TANGO6: variants seen among roughly 807,000 people sequenced by gnomAD.
TANGO6 encodes transport and Golgi organization protein 6 homolog.
Under a neutral mutation model 114.2 loss-of-function variants are expected in TANGO6, and 90 were observed. The observed-to-expected ratio is 0.79, with a 90% CI of 0.66 to 0.94. The LOEUF (loss-of-function observed/expected upper bound fraction) is 0.94. Among genes scored for constraint, TANGO6 ranks in the 40% least tolerant of loss-of-function variants. The probability of loss-of-function intolerance (pLI) is 0.00; values close to 1 mark genes in which losing one functional copy is unlikely to be tolerated. For synonymous variants in TANGO6, 477 were observed against 509.8 expected (o/e 0.94, Z 0.87); for missense variants, 1,274 against 1,315.3 (o/e 0.97, Z 0.49).
At chr16:68,851,624 A>C (rs528312026) in intron 1 of TANGO6, among the ~76,000 whole-genome samples, 1 of 152,324 alleles carries the variant, frequency 6.6e-6, no homozygotes, top group African/African-American at 2.4e-5. Flanking sequence ...ACTGCAATGA[A>C]TAGTCTTGTA....
chr16:69,036,339 C>A (rs1959686781), intron 16 of TANGO6, among the ~76,000 whole-genome samples: 1 of 152,148 alleles, frequency 6.6e-6, no homozygotes, highest in South Asian at 2.1e-4. Flanking sequence ...TTGACCTGAA[C>A]TGAAGACTGT....
chr16:68,868,327 T>G (rs1748347976), intron 4 of TANGO6, among the ~76,000 whole-genome samples: 1 of 151,940 alleles, frequency 6.6e-6, no homozygotes, highest in African/African-American at 2.4e-5. Flanking sequence ...TTTTTATTTT[T>G]TAGAGAAAAT....
intron 17 of TANGO6, among the ~76,000 whole-genome samples, chr16:69,074,802 G>GTGTA (rs1165811612): frequency 1.0e-5 from 1 of 98,802 alleles, no homozygotes; most frequent in East Asian, 2.4e-4. Flanking sequence ...GAATGCCTGT[G>GTGTA]TGTGTGTGTG....
intron 6 of TANGO6, among the ~76,000 whole-genome samples, chr16:68,879,068 C>A (rs1404989399): frequency 6.6e-6 from 1 of 151,658 alleles, no homozygotes; most frequent in Non-Finnish European, 1.5e-5. Context: ...AGAGTGCAAC[C>A]CTTGCTCAAA....
intron 15 of TANGO6, among the ~76,000 whole-genome samples, chr16:68,990,901 T>G (rs778562766): frequency 6.6e-6 from 1 of 152,220 alleles, no homozygotes; most frequent in Non-Finnish European, 1.5e-5. Context: ...ATTACTTCGG[T>G]CACTCTGTGA....
At chr16:69,074,044 C>T (rs1047172253) in intron 17 of TANGO6, among the ~76,000 whole-genome samples, 1 of 151,994 alleles carries the variant, frequency 6.6e-6, no homozygotes, top group Non-Finnish European at 1.5e-5. Flanking sequence ...CAGAAGCTCC[C>T]TGAGAAAGCC....
chr16:68,910,463 A>G (rs898523749), intron 11 of TANGO6, among the ~76,000 whole-genome samples: 1 of 152,178 alleles, frequency 6.6e-6, no homozygotes, highest in Non-Finnish European at 1.5e-5. Flanking sequence ...GGAAGGGGAA[A>G]TGGTCTAAAA....
chr16:68,903,615 C>CAAAAAAAA (rs1175415785), intron 9 of TANGO6, among the ~76,000 whole-genome samples: 1 of 59,252 alleles, frequency 1.7e-5, no homozygotes, highest in Non-Finnish European at 3.3e-5. Flanking sequence ...GAGACCATCT[C>CAAAAAAAA]AAAAAAAAAA....
chr16:69,021,992 T>C (rs1376900243), intron 15 of TANGO6, among the ~76,000 whole-genome samples: 1 of 151,460 alleles, frequency 6.6e-6, no homozygotes, highest in African/African-American at 2.4e-5. Flanking sequence ...TTCAGGCCAT[T>C]CTCCTACCTC....
chr16:68,859,205 C>G (rs1962048015), intron 1 of TANGO6, among the ~76,000 whole-genome samples: 1 of 152,068 alleles, frequency 6.6e-6, no homozygotes, highest in Non-Finnish European at 1.5e-5. Context: ...GGGTCTTGCT[C>G]TGTCACCCAG....
At chr16:68,978,834 T>C (rs1053781828) in intron 15 of TANGO6, among the ~76,000 whole-genome samples, 3 of 151,618 alleles carry the variant, frequency 2.0e-5, no homozygotes, top group Non-Finnish European at 4.4e-5. Context: ...TGCCACTAGA[T>C]CATAGTGCAA....
intron 12 of TANGO6, among the ~76,000 whole-genome samples, chr16:68,925,015 A>G (rs1398524797): frequency 6.6e-6 from 1 of 151,664 alleles, no homozygotes; most frequent in Non-Finnish European, 1.5e-5. Context: ...GGATGCAAAG[A>G]GGGGTGGGTG....
chr16:68,875,102 C>T, intron 4 of TANGO6, 52 bp from the exon 5 acceptor site: 1 of 1,535,700 alleles, frequency 6.5e-7, no homozygotes, highest in Non-Finnish European at 8.8e-7. Context: ...TTACATGGGA[C>T]CTTCTGTGGG....
chr16:68,894,310 A>C (rs1597009054), intron 7 of TANGO6, among the ~76,000 whole-genome samples: 1 of 152,116 alleles, frequency 6.6e-6, no homozygotes, highest in African/African-American at 2.4e-5. Flanking sequence ...AGGGAGTGTA[A>C]ATGTTGGATA....
intron 4 of TANGO6, among the ~76,000 whole-genome samples, chr16:68,871,604 A>G (rs1199667705): frequency 6.6e-6 from 1 of 150,734 alleles, no homozygotes. Context: ...TGTCTTTTTT[A>G]TTTTTCTCTG....
chr16:68,878,599 T>G (rs1472858779), intron 6 of TANGO6, among the ~76,000 whole-genome samples: 5 of 150,856 alleles, frequency 3.3e-5, no homozygotes, highest in Non-Finnish European at 7.4e-5. Context: ...CCCTAAATAC[T>G]ACAGTATGCA....
chr16:68,968,817 C>T (rs1321780222), intron 14 of TANGO6, among the ~76,000 whole-genome samples: 1 of 151,794 alleles, frequency 6.6e-6, no homozygotes, highest in Non-Finnish European at 1.5e-5. Context: ...ACTACAGGCA[C>T]CCACTACCAC....
At chr16:68,852,787 G>A (rs1165396143) in intron 1 of TANGO6, among the ~76,000 whole-genome samples, 1 of 152,074 alleles carries the variant, frequency 6.6e-6, no homozygotes, top group Non-Finnish European at 1.5e-5. Context: ...AATTGTGATT[G>A]CATCACTGCA....
intron 17 of TANGO6, among the ~76,000 whole-genome samples, chr16:69,074,485 A>G (rs1173106041): frequency 2.6e-5 from 4 of 152,032 alleles, no homozygotes; most frequent in African/African-American, 9.7e-5. Flanking sequence ...CCCTAGATAC[A>G]ATACTCGTAT....
Sources: allele counts gnomAD v4.1 joint callset (sites outside exome capture counted in the v4.1 genomes callset), GRCh38; gene constraint gnomAD v4.1.1; transcripts MANE v1.5; gene names NCBI Gene and HGNC (gene_info 2026-07-23, HGNC 2026-07-21).